GPHN: variants seen among roughly 807,000 people sequenced by gnomAD.
The protein encoded by GPHN is gephyrin.
GPHN carries 17 observed loss-of-function variants against 95.5 expected under a neutral mutation model. The observed-to-expected ratio is 0.18, with a 90% confidence interval of 0.12 to 0.27. GPHN has a LOEUF of 0.27. Ranked by LOEUF, GPHN falls within the 10% of genes least tolerant of loss-of-function variation. The pLI is 1.00. For synonymous variants in GPHN, 320 were observed against 322.5 expected, an observed-to-expected ratio of 0.99 and a Z score of 0.08; for missense variants, 660 against 978.1, an observed-to-expected ratio of 0.67 and a Z score of 4.34.
intron 1 of GPHN, among the ~76,000 whole-genome samples, chr14:66,515,204 G>T (rs541062302): frequency 1.6e-3 from 244 of 152,178 alleles, no homozygotes; most frequent in African/African-American, 5.4e-3. Flanking sequence ...GAGATATATG[G>T]TTATGTTCTT....
intron 1 of GPHN, among the ~76,000 whole-genome samples, chr14:66,534,108 T>C (rs1169332996): frequency 4.6e-5 from 7 of 152,218 alleles, no homozygotes; most frequent in Non-Finnish European, 1.0e-4. Context: ...TATGAATTGC[T>C]TGCTGTAGTA....
the GPHN span, chr14:67,727,489 T>TG: frequency 3.4e-5 from 12 of 354,636 alleles, no homozygotes; most frequent in African/African-American, 8.5e-5. Context: ...TTTTTTGTTT[T>TG]TTTTTTTTTG....
chr14:67,465,400 G>A, the GPHN span, among the ~76,000 whole-genome samples: 2 of 128,822 alleles, frequency 1.6e-5, no homozygotes, highest in Non-Finnish European at 3.7e-5. Flanking sequence ...GGCGAGAAAT[G>A]AGGCCAAACC....
the GPHN span, among the ~76,000 whole-genome samples, chr14:67,643,913 G>A: frequency 2.9e-4 from 42 of 143,028 alleles, no homozygotes; most frequent in African/African-American, 9.0e-4. Flanking sequence ...GTCACACCCA[G>A]GTTCCCTACT....
chr14:67,393,127 C>T, the GPHN span: 5 of 1,563,146 alleles, frequency 3.2e-6, no homozygotes, highest in Non-Finnish European at 4.4e-6. Flanking sequence ...ACTGCCCAGC[C>T]CGGCCCTGGG....
chr14:67,255,802 C>T, the GPHN span, among the ~76,000 whole-genome samples: 2 of 152,172 alleles, frequency 1.3e-5, no homozygotes, highest in Non-Finnish European at 2.9e-5. Flanking sequence ...ATTCTTCTGC[C>T]TCAGCCTCCC....
chr14:67,323,529 A>G, the GPHN span, among the ~76,000 whole-genome samples: 1 of 151,448 alleles, frequency 6.6e-6, no homozygotes, highest in Non-Finnish European at 1.5e-5. Flanking sequence ...ATGAGGGGCC[A>G]CTTGAGTGCA....
chr14:67,664,774 C>T, the GPHN span, among the ~76,000 whole-genome samples: 2 of 152,192 alleles, frequency 1.3e-5, no homozygotes, highest in African/African-American at 2.4e-5. Context: ...CAAAAGAGAA[C>T]AGATGAGCCG....
intron 5 of GPHN, among the ~76,000 whole-genome samples, chr14:66,890,674 A>G (rs1567065790): frequency 1.3e-5 from 2 of 152,066 alleles, no homozygotes; most frequent in African/African-American, 4.8e-5. Flanking sequence ...AAAATGCTCA[A>G]AAAAAACCCC....
At chr14:67,646,769 G>T in the GPHN span, 2 of 1,550,696 alleles carry the variant, frequency 1.3e-6, no homozygotes, top group Non-Finnish European at 8.9e-7. Context: ...GAAGTTTAGG[G>T]CCTGTCCTAG....
Position 67,180,737 on chromosome 14 carries a change from G to T in GPHN, c.2177-67G>T, listed in dbSNP as rs2083286525. The stretch of plus-strand genomic sequence containing the variant: ...TTCTGTCTGTTTACATTTTGAAAAG[G>T]TCTACAAGGGCCCAACTGTATACGC... On this transcript the variant is annotated intron_variant, in intron 22 of 22. Transcript: ENST00000478722. 4 of 1,490,940 alleles carry T rather than the reference G, an allele frequency of 2.7e-6. 1 individual carries two copies. The highest frequency in any genetic ancestry group is 1.2e-5 in the South Asian group (1 of 85,784). 92.4% of individuals were successfully genotyped at this position (1,490,940 alleles called of 1,614,324 possible). A position where few individuals can be genotyped will look rare whatever the true frequency, so the allele number is the denominator to read the frequency against.
At chr14:67,105,767 T>C (rs2077999729) in intron 13 of GPHN, among the ~76,000 whole-genome samples, 1 of 152,172 alleles carries the variant, frequency 6.6e-6, no homozygotes, top group Non-Finnish European at 1.5e-5. Context: ...TGGGTTCTTT[T>C]TTTTTAAATC....
the GPHN span, chr14:67,380,822 A>G: frequency 1.1e-6 from 1 of 912,946 alleles, no homozygotes; most frequent in Non-Finnish European, 1.6e-6. Flanking sequence ...AAAAGCTATT[A>G]AATAATGAGA....
chr14:67,371,324 G>A, the GPHN span, among the ~76,000 whole-genome samples: 1 of 152,016 alleles, frequency 6.6e-6, no homozygotes, highest in Non-Finnish European at 1.5e-5. Flanking sequence ...GGAGGCTGAG[G>A]TGGGAGGACG....
chr14:66,568,355 C>G (rs760779966), intron 1 of GPHN, among the ~76,000 whole-genome samples: 1 of 152,018 alleles, frequency 6.6e-6, no homozygotes, highest in African/African-American at 2.4e-5. Flanking sequence ...GCCTGCGTGC[C>G]TTGTTTCCTG....
At chr14:66,683,344 A>ATG (rs2067068643) in intron 2 of GPHN, among the ~76,000 whole-genome samples, 1 of 83,114 alleles carries the variant, frequency 1.2e-5, no homozygotes, top group Non-Finnish European at 2.1e-5. Context: ...ATATATATAT[A>ATG]TATATATATA....
the GPHN span, among the ~76,000 whole-genome samples, chr14:67,428,989 A>C: frequency 1.3e-5 from 2 of 152,204 alleles, no homozygotes; most frequent in Admixed American, 6.5e-5. Context: ...CATTAGAGTC[A>C]AATGAGAGCA....
the GPHN span, among the ~76,000 whole-genome samples, chr14:67,443,319 A>G: frequency 6.6e-6 from 1 of 152,250 alleles, no homozygotes; most frequent in African/African-American, 2.4e-5. Flanking sequence ...CTTCCAGCTA[A>G]GAAGTAGAAA....
chr14:66,603,141 G>A lies in GPHN; in HGVS notation c.65-77966G>A, dbSNP rs74057208. 1.4e-3 allele frequency among the ~76,000 whole-genome samples: 208 copies of A among 151,752 alleles called. 2 individuals are homozygous for A. The highest frequency in any genetic ancestry group is 2.3e-3 in the Non-Finnish European group (153 of 67,744). ...TCTTGGTGTCTATGAAATCCTCCTG[G>A]TACAAAATTTATATATGGATAAAAA... On this transcript the variant is annotated intron_variant, in intron 1 of 22. Transcript: ENST00000478722.
Sources: gnomAD v4.1 joint callset for allele counts (sites outside exome capture counted in the v4.1 genomes callset) on GRCh38, gnomAD v4.1.1 for gene constraint, MANE v1.5 for transcripts, NCBI Gene and HGNC (gene_info 2026-07-23, HGNC 2026-07-21) for gene names.